Variants in PHF3 observed in about 807,000 individuals in gnomAD.
PHF3 encodes the protein PHD finger protein 3.
Under a neutral mutation model 178.4 loss-of-function variants are expected in PHF3, and 41 were observed. The observed-to-expected ratio is 0.23, with a 90% CI of 0.18 to 0.30. The LOEUF is 0.30. Ranked by LOEUF, PHF3 falls within the 10% of genes least tolerant of loss-of-function variation. PHF3 has a pLI of 1.00. For missense variants in PHF3, 2,346 were observed against 2,398.1 expected (o/e 0.98, Z 0.45); for synonymous variants, 842 against 800.5 (o/e 1.05, Z -0.88).
chr6:63,659,675 A>G (rs769595781), intron 2 of PHF3, among the ~76,000 whole-genome samples: 7 of 152,154 alleles, frequency 4.6e-5, no homozygotes, highest in African/African-American at 7.2e-5. Context: ...TGGTATTTGC[A>G]TTATACTTAC....
At chr6:63,648,806 ATGTT>A (rs1263179736) in intron 2 of PHF3, among the ~76,000 whole-genome samples, 1 of 152,116 alleles carries the variant, frequency 6.6e-6, no homozygotes, top group African/African-American at 2.4e-5. Context: ...CTGTAGCAGA[ATGTT>A]TGTATTGGTA....
intron 8 of PHF3, 52 bp downstream of exon 8, chr6:63,698,657 G>A (rs1767341306): frequency 7.8e-7 from 1 of 1,280,350 alleles, no homozygotes; most frequent in Non-Finnish European, 1.1e-6. Flanking sequence ...TGAGTACATA[G>A]GTATCTCAGA....
Position 63,698,706 on chromosome 6 carries a change from A to T in PHF3, c.2982+101A>T, listed in dbSNP as rs578142736. ...GATCTATAATTTATTAATTGGAGTG[A>T]GATTATAATTTGCTTTTGATGTAGA... On this transcript the variant is annotated intron_variant, in intron 8 of 15. Transcript: ENST00000262043. 1.1e-4 allele frequency: 95 copies of T among 843,114 alleles called. No homozygotes were observed. In the African/African-American group the frequency reaches 1.5e-3, roughly 14 times the overall value. 52.2% of individuals were successfully genotyped at this position (843,114 alleles called of 1,614,324 possible).
At chr6:63,662,305 A>C (rs753566483) in intron 2 of PHF3, among the ~76,000 whole-genome samples, 1 of 152,206 alleles carries the variant, frequency 6.6e-6, no homozygotes, top group Non-Finnish European at 1.5e-5. Context: ...AGACAGGAGA[A>C]GCTCCACAGC....
intron 1 of PHF3, among the ~76,000 whole-genome samples, chr6:63,643,920 T>A (rs151088090): frequency 3.9e-5 from 6 of 152,138 alleles, no homozygotes; most frequent in African/African-American, 1.4e-4. Flanking sequence ...ACAAAAAAAA[T>A]TGCTCCTTTA....
intron 4 of PHF3, among the ~76,000 whole-genome samples, chr6:63,690,167 A>G (rs1320250298): frequency 6.6e-6 from 1 of 152,156 alleles, no homozygotes. Context: ...TGTAGGAATT[A>G]TTTCTGTCTT....
chr6:63,646,907 G>A (rs1764814878), intron 2 of PHF3, 112 bp downstream of exon 2: 5 of 739,198 alleles, frequency 6.8e-6, no homozygotes, highest in African/African-American at 2.0e-5. Context: ...TTAATGAGGA[G>A]GGTAGTAAAT....
intron 14 of PHF3, 29 bp from the exon 15 acceptor site, chr6:63,711,138 A>C (rs1767908486): frequency 1.3e-6 from 2 of 1,518,694 alleles, no homozygotes; most frequent in Non-Finnish European, 1.8e-6. Flanking sequence ...TTATTACCTT[A>C]AACAATTATT....
At chr6:63,678,944 A>C in intron 2 of PHF3, 1 of 383,764 alleles carries the variant, frequency 2.6e-6, no homozygotes, top group South Asian at 2.1e-5. Context: ...AATAACTAAC[A>C]TTTGTATAGT....
intron 2 of PHF3, among the ~76,000 whole-genome samples, chr6:63,648,079 C>T (rs1388084404): frequency 1.3e-5 from 2 of 152,194 alleles, no homozygotes; most frequent in Non-Finnish European, 2.9e-5. Flanking sequence ...GACCTCAACA[C>T]TGGCTACTAG....
chr6:63,682,938 A>G (rs1261394945), intron 3 of PHF3, among the ~76,000 whole-genome samples: 2 of 152,114 alleles, frequency 1.3e-5, no homozygotes, highest in African/African-American at 4.8e-5. Context: ...AATTACTATA[A>G]TCTGTCTTTA....
chr6:63,718,980 C>T lies in PHF3; in HGVS notation c.*5272C>T, dbSNP rs1768273404. ...TATGGAGCAATACCAGTTTAGGTCACAGTTTTTCAGCAAAATTTGATGGAG... is the reference window on the plus strand; with the variant it reads ...TATGGAGCAATACCAGTTTAGGTCATAGTTTTTCAGCAAAATTTGATGGAG... On this transcript the variant is annotated 3_prime_UTR_variant, in exon 16 of 16. Coordinates refer to ENST00000262043, the MANE Select transcript of PHF3 (RefSeq NM_001370348.2). Among the ~76,000 whole-genome samples the T allele has an allele frequency of 6.6e-6, 1 of 151,966 alleles. No homozygotes were observed. Among genetic ancestry groups the T allele is most frequent in the Non-Finnish European group, 1.5e-5 (1 of 67,926 alleles).
chr6:63,698,608 A>G lies in PHF3; in HGVS notation c.2982+3A>G, dbSNP rs750074890. The G allele has an allele frequency of 6.4e-7, 1 of 1,557,070 alleles. No homozygotes were observed. The highest frequency in any genetic ancestry group is 1.2e-5 in the South Asian group (1 of 81,446). On this transcript the variant is annotated splice_donor_region_variant and intron_variant, in intron 8 of 15. Coordinates refer to ENST00000262043, the MANE Select transcript of PHF3 (RefSeq NM_001370348.2). ...ATTTGAAAGATCCTAAAAACAATGT[A>G]AGTATGCTTTGTTCATATGTTTATG...
chr6:63,673,665 T>G (rs190769857), intron 2 of PHF3, among the ~76,000 whole-genome samples: 126 of 152,296 alleles, frequency 8.3e-4, no homozygotes, highest in Admixed American at 4.6e-3. Flanking sequence ...TGAGGGTTCC[T>G]TGAAAAATCA....
intron 2 of PHF3, among the ~76,000 whole-genome samples, chr6:63,665,154 A>G (rs151230908): frequency 8.3e-4 from 127 of 152,136 alleles, no homozygotes; most frequent in African/African-American, 2.8e-3. Context: ...CTAAACATCA[A>G]TTTTCTTAGC....
rs1768235475 is a variant in PHF3 at position 63,717,848 on chromosome 6, A to C, written c.*4140A>C. 6.6e-6 allele frequency among the ~76,000 whole-genome samples: 1 copy of C among 151,928 alleles called. No individual in the cohort carries two copies. Among genetic ancestry groups the C allele is most frequent in the African/African-American group, 2.4e-5 (1 of 41,402 alleles). On this transcript the variant is annotated 3_prime_UTR_variant, in exon 16 of 16. Coordinates refer to ENST00000262043, the MANE Select transcript of PHF3 (RefSeq NM_001370348.2). ...AAGTAATGATTTTTTTCAGGAACTT[A>C]TTATTTATAAGGAGACCAAAAAGGT... is the stretch of plus-strand genomic sequence containing the variant.
intron 1 of PHF3, among the ~76,000 whole-genome samples, chr6:63,645,560 G>A (rs966412436): frequency 1.3e-5 from 2 of 152,034 alleles, no homozygotes; most frequent in African/African-American, 4.8e-5. Flanking sequence ...CAAAAATCTT[G>A]GAATTAAGGA....
Position 63,713,199 on chromosome 6 carries a change from CCTCT to C in PHF3, c.5615_5618del (p.Leu1872HisfsTer7). ...AGGTCAGCCACAGCGTATGATGGGT[CCTCT>C]CTCACAAGCATCAAGGTATATAGGC... On this transcript the variant is annotated frameshift_variant, in exon 16 of 16. Coordinates refer to ENST00000262043, the MANE Select transcript of PHF3 (RefSeq NM_001370348.2). LOFTEE classifies it high-confidence loss of function. 6.2e-7 allele frequency: 1 copy of C among 1,614,024 alleles called. No individual in the cohort carries two copies. The highest frequency in any genetic ancestry group is 8.5e-7 in the Non-Finnish European group (1 of 1,179,980).
rs1768315629 is a variant in PHF3 at position 63,720,118 on chromosome 6, C to G, written c.*6410C>G. On this transcript the variant is annotated 3_prime_UTR_variant, in exon 16 of 16. Coordinates refer to ENST00000262043, the MANE Select transcript of PHF3 (RefSeq NM_001370348.2). ...ATCATATAAATAAGTTGTAGCTAAG[C>G]CATGTAATACAATATGGTTACATTG... The G allele has an allele frequency of 6.3e-6, 1 of 159,688 alleles. No homozygotes were observed. The highest frequency in any genetic ancestry group is 2.0e-4 in the South Asian group (1 of 4,902). The allele number at this position is 159,688 out of a possible 1,614,324, so 9.9% of individuals were successfully genotyped here.
Sources: gnomAD v4.1 joint callset for allele counts (sites outside exome capture counted in the v4.1 genomes callset) on GRCh38, gnomAD v4.1.1 for gene constraint, MANE v1.5 for transcripts, NCBI Gene and HGNC (gene_info 2026-07-23, HGNC 2026-07-21) for gene names.